Variants in RIMBP2 observed in about 807,000 individuals in gnomAD.
RIMBP2 encodes RIMS-binding protein 2.
RIMBP2 carries 48 observed loss-of-function variants against 118.6 expected under a neutral mutation model. The ratio of observed to expected loss-of-function variants is 0.40; its 90% confidence interval spans 0.32 to 0.51. The LOEUF is 0.51. RIMBP2 is among the 20% of genes least tolerant of loss of function. RIMBP2 has a pLI of 0.41. For synonymous variants in RIMBP2, 762 were observed against 742.9 expected (o/e 1.03, Z -0.42); for missense variants, 1,551 against 1,768.3 (o/e 0.88, Z 2.20).
At chr12:130,532,506 C>T (rs1329582559) in intron 2 of RIMBP2, among the ~76,000 whole-genome samples, 376 of 78,716 alleles carry the variant, frequency 4.8e-3, no homozygotes, top group Middle Eastern at 0.014. Context: ...TGCGTGTGTT[C>T]AGCCTCTAGG....
At chr12:130,572,879 C>G (rs78280740) in intron 2 of RIMBP2, among the ~76,000 whole-genome samples, 1,790 of 152,094 alleles carry the variant, frequency 0.012, 35 homozygotes, top group African/African-American at 0.041. Flanking sequence ...GAGGCAGGAG[C>G]CAGGGTAGGA....
intron 5 of RIMBP2, chr12:130,472,263 T>C (rs1413658176): frequency 6.6e-6 from 1 of 152,242 alleles, no homozygotes; most frequent in Non-Finnish European, 1.5e-5. Flanking sequence ...CCAAGAGTGC[T>C]AACGAACGTC....
At chr12:130,648,388 A>G (rs1173133383) in intron 1 of RIMBP2, among the ~76,000 whole-genome samples, 1 of 145,478 alleles carries the variant, frequency 6.9e-6, no homozygotes, top group African/African-American at 2.5e-5. Context: ...AATTACACAC[A>G]TAAGGTATTC....
chr12:130,678,836 A>G (rs2064631266), intron 1 of RIMBP2, among the ~76,000 whole-genome samples: 4 of 152,126 alleles, frequency 2.6e-5, no homozygotes. Context: ...GCATTTCTAT[A>G]AAATGTCCAG....
chr12:130,637,413 G>T (rs2062402575), intron 1 of RIMBP2, among the ~76,000 whole-genome samples: 1 of 152,234 alleles, frequency 6.6e-6, no homozygotes, highest in South Asian at 2.1e-4. Context: ...ATGGATGCGT[G>T]CCTGAGACAG....
At position 130,613,910 on chromosome 12, in the gene RIMBP2, G is replaced by T. The variant is rs142520807; in HGVS notation, c.-217+14412C>A. On this transcript the variant is annotated intron_variant, in intron 2 of 22. Coordinates refer to ENST00000690449, the MANE Select transcript of RIMBP2 (RefSeq NM_001393629.1). ...TGGGATGCAGGCACAATGCCAGAAGGTGCAACAGCCACCATAGGACCCCAA... is the reference window on the plus strand; with the variant it reads ...TGGGATGCAGGCACAATGCCAGAAGTTGCAACAGCCACCATAGGACCCCAA... 5.8e-3 allele frequency among the ~76,000 whole-genome samples: 883 copies of T among 152,138 alleles called. 10 individuals are homozygous for T. Among genetic ancestry groups the T allele is most frequent in the African/African-American group, 0.02 (834 of 41,494 alleles).
intron 19 of RIMBP2, 61 bp downstream of exon 19, chr12:130,412,558 A>G (rs1347705695): frequency 6.7e-7 from 1 of 1,491,390 alleles, no homozygotes; most frequent in Admixed American, 1.8e-5. Flanking sequence ...TGCCTCTCTG[A>G]GCGGCAGGTG....
intron 2 of RIMBP2, among the ~76,000 whole-genome samples, chr12:130,588,857 C>T (rs2059080846): frequency 6.6e-6 from 1 of 152,214 alleles, no homozygotes; most frequent in African/African-American, 2.4e-5. Flanking sequence ...CAGAAGTTAT[C>T]TGATGTAGAC....
chr12:130,704,276 T>C (rs2065992099), intron 1 of RIMBP2, among the ~76,000 whole-genome samples: 1 of 152,038 alleles, frequency 6.6e-6, no homozygotes, highest in African/African-American at 2.4e-5. Context: ...TGACGTCTTG[T>C]TTAAAAAATA....
At chr12:130,630,213 A>G (rs911472688) in intron 1 of RIMBP2, among the ~76,000 whole-genome samples, 1 of 151,962 alleles carries the variant, frequency 6.6e-6, no homozygotes, top group Non-Finnish European at 1.5e-5. Context: ...ACTTTTACCA[A>G]TAAGGTTTCT....
chr12:130,535,960 T>C (rs2054042800), intron 2 of RIMBP2, among the ~76,000 whole-genome samples: 1 of 151,822 alleles, frequency 6.6e-6, no homozygotes, highest in Non-Finnish European at 1.5e-5. Context: ...TTGTTGTTGT[T>C]GTATTTTTTG....
At chr12:130,436,014 G>C (rs2137018056) in intron 13 of RIMBP2, among the ~76,000 whole-genome samples, 1 of 152,340 alleles carries the variant, frequency 6.6e-6, no homozygotes, top group South Asian at 2.1e-4. Context: ...GGCTGACCCA[G>C]CAGGGCCGAG....
Position 130,611,955 on chromosome 12 carries a change from G to A in RIMBP2, c.-217+16367C>T, listed in dbSNP as rs76255578. Among the ~76,000 whole-genome samples, 10 of 152,310 alleles carry A rather than the reference G, an allele frequency of 6.6e-5. No individual in the cohort carries two copies. In the East Asian group the frequency reaches 1.2e-3, roughly 18 times the overall value. On this transcript the variant is annotated intron_variant, in intron 2 of 22. Coordinates refer to ENST00000690449, the MANE Select transcript of RIMBP2 (RefSeq NM_001393629.1). ...CCAATTGGCTGCAGGATTGATACCC[G>A]AAGCAGATACAATGCATCCTCTGAG... is the stretch of plus-strand genomic sequence containing the variant.
intron 15 of RIMBP2, chr12:130,425,583 C>T (rs2136797937): frequency 6.6e-6 from 1 of 152,512 alleles, no homozygotes; most frequent in African/African-American, 2.4e-5. Context: ...GTGGGTGGCA[C>T]AGAGCTGGCC....
Position 130,441,840 on chromosome 12 carries a change from G to A in RIMBP2, c.1504+8C>T. ...CCTGGGGGACCCACGGAAGGACACA[G>A]GGCTCACCTGCAGGCAACGTGGAGA... is the stretch of plus-strand genomic sequence containing the variant. On this transcript the variant is annotated splice_region_variant and intron_variant, in intron 11 of 22. Coordinates refer to ENST00000690449, the MANE Select transcript of RIMBP2 (RefSeq NM_001393629.1). 6.2e-7 allele frequency: 1 copy of A among 1,612,048 alleles called. No individual in the cohort carries two copies. Among genetic ancestry groups the A allele is most frequent in the Non-Finnish European group, 8.5e-7 (1 of 1,179,012 alleles).
Position 130,438,508 on chromosome 12 carries a change from C to G in RIMBP2, c.1513G>C (p.Ala505Pro), listed in dbSNP as rs1173969555. ...TGGACGGTAACATCTTGTGGGGGTG[C>G]TGGGGGTCCTGGGAGGGGACAGAAG... Reference protein sequence around the residue: ...EFSTLPAGPPAPPQDVTVQAG... With the variant: ...EFSTLPAGPPPPPQDVTVQAG... The change falls in exon 12 of 23, where the codon GCA becomes CCA. Residue 505 changes from alanine to proline, a missense_variant. Ala to Pro is a conservative substitution (Grantham distance 27, BLOSUM62 -1). Transcript: ENST00000690449. 6.3e-7 allele frequency: 1 copy of G among 1,599,832 alleles called. No individual in the cohort carries two copies. Among genetic ancestry groups the G allele is most frequent in the African/African-American group, 1.3e-5 (1 of 74,562 alleles).
chr12:130,412,977 C>G (rs1387665006), intron 18 of RIMBP2, among the ~76,000 whole-genome samples, 190 bp from the exon 19 acceptor site: 62 of 152,160 alleles, frequency 4.1e-4, no homozygotes, highest in Non-Finnish European at 1.2e-4. Context: ...CTCTATGACT[C>G]TGACTTAAGA....
chr12:130,480,748 C>A (rs1048387442), intron 4 of RIMBP2, among the ~76,000 whole-genome samples: 3 of 152,184 alleles, frequency 2.0e-5, no homozygotes, highest in Admixed American at 6.5e-5. Flanking sequence ...TTACAGGTGC[C>A]CACCACCATG....
intron 2 of RIMBP2, among the ~76,000 whole-genome samples, chr12:130,596,594 T>G (rs1290544443): frequency 6.6e-6 from 1 of 152,214 alleles, no homozygotes; most frequent in Non-Finnish European, 1.5e-5. Context: ...AGCCACTGAA[T>G]ACACAGCAAA....
Sources: allele counts gnomAD v4.1 joint callset (sites outside exome capture counted in the v4.1 genomes callset), GRCh38; gene constraint gnomAD v4.1.1; transcripts MANE v1.5; gene names NCBI Gene and HGNC (gene_info 2026-07-23, HGNC 2026-07-21).